Variants in DCLK2 observed in about 807,000 individuals in gnomAD.
The protein encoded by DCLK2 is serine/threonine-protein kinase DCLK2.
In DCLK2, 31 loss-of-function variants were observed where a neutral mutation model predicts 78.4. That is an observed-to-expected ratio of 0.40 (90% CI 0.30 to 0.53). The LOEUF (loss-of-function observed/expected upper bound fraction) is 0.53. DCLK2 is among the 20% of genes least tolerant of loss of function. DCLK2 has a pLI of 0.61. For missense variants in DCLK2, 872 were observed against 973.7 expected (o/e 0.90, Z 1.39); for synonymous variants, 407 against 374.9 (o/e 1.09, Z -0.99).
intron 2 of DCLK2, among the ~76,000 whole-genome samples, chr4:150,163,007 G>T (rs527592791): frequency 6.6e-6 from 1 of 152,226 alleles, no homozygotes; most frequent in South Asian, 2.1e-4. Context: ...CTGTGACTGC[G>T]CAACACATCT....
chr4:150,104,348 A>G (rs963153167), intron 2 of DCLK2, among the ~76,000 whole-genome samples: 2 of 136,392 alleles, frequency 1.5e-5, no homozygotes, highest in Non-Finnish European at 3.0e-5. Context: ...TGATTGTGCC[A>G]CTGCACTCCA....
chr4:150,153,982 T>C (rs894027444), intron 2 of DCLK2, among the ~76,000 whole-genome samples: 2 of 152,132 alleles, frequency 1.3e-5, no homozygotes, highest in African/African-American at 2.4e-5. Context: ...GAATGAACTT[T>C]CACAAAAGGG....
At chr4:150,111,264 T>G (rs1404327301) in intron 2 of DCLK2, among the ~76,000 whole-genome samples, 1 of 151,674 alleles carries the variant, frequency 6.6e-6, no homozygotes, top group Non-Finnish European at 1.5e-5. Flanking sequence ...TTTAATATTT[T>G]TGTTGGCCAT....
chr4:150,222,561 G>A (rs1209608107), intron 7 of DCLK2, among the ~76,000 whole-genome samples: 1 of 151,958 alleles, frequency 6.6e-6, no homozygotes, highest in East Asian at 1.9e-4. Flanking sequence ...TCACAATCAG[G>A]CCAGGCCTGG....
At position 150,248,336 on chromosome 4, in the gene DCLK2, T is replaced by G. The variant is rs780042885; in HGVS notation, c.1907T>G (p.Val636Gly). The G allele has an allele frequency of 6.2e-7, 1 of 1,613,862 alleles. No homozygotes were observed. Among genetic ancestry groups the G allele is most frequent in the African/African-American group, 1.3e-5 (1 of 74,936 alleles). ...ELISQMLQVN[V>G]EARCTAGQIL... is the part of the protein sequence containing the mutation. ...ATCAGTCAAATGCTTCAGGTAAATG[T>G]TGAAGCTCGGTGTACCGCGGGACAA... is the stretch of plus-strand genomic sequence containing the variant. Residue 636 changes from valine (V) to glycine (G), a missense_variant, in exon 14 of 16, where the codon GTT (valine) becomes GGT (glycine). This residue lies in a region of DCLK2 where 219 missense variants were observed against 230.1 expected (regional missense o/e 0.95). Coordinates refer to ENST00000296550, the MANE Select transcript of DCLK2 (RefSeq NM_001040260.4).
chr4:150,137,887 A>G (rs1419378127), intron 2 of DCLK2, among the ~76,000 whole-genome samples: 1 of 152,230 alleles, frequency 6.6e-6, no homozygotes, highest in Non-Finnish European at 1.5e-5. Context: ...TATATTGTCA[A>G]ATGAAGTTAT....
At chr4:150,198,633 C>T (rs1052518012) in intron 4 of DCLK2, among the ~76,000 whole-genome samples, 27 of 152,028 alleles carry the variant, frequency 1.8e-4, no homozygotes, top group African/African-American at 5.8e-4. Context: ...AGTCTTAAGC[C>T]TATAAATTTG....
rs1560856572 is a variant in DCLK2 at position 150,195,220 on chromosome 4, TTATATATTATATAAACA to T, written c.859+1981_859+1997del. ...ACAATATTATATATTATATACAATA[TTATATATTATATAAACA>T]ATATTATATATTATATATTATATTA... On this transcript the variant is annotated intron_variant, in intron 3 of 15. Transcript: ENST00000296550. Among the ~76,000 whole-genome samples the T allele has an allele frequency of 1.7e-3, 6 of 3,624 alleles. 1 individual carries two copies. The highest frequency in any genetic ancestry group is 6.6e-3 in the African/African-American group (5 of 756). The allele number at this position is 3,624 out of a possible 152,430, so 2.4% of individuals were successfully genotyped here. A position where few individuals can be genotyped will look rare whatever the true frequency, so the allele number is the denominator to read the frequency against.
At chr4:150,114,041 T>C (rs768166858) in intron 2 of DCLK2, among the ~76,000 whole-genome samples, 1 of 152,212 alleles carries the variant, frequency 6.6e-6, no homozygotes, top group Non-Finnish European at 1.5e-5. Context: ...TTTCTGTGTA[T>C]TTGTATAGTT....
intron 2 of DCLK2, among the ~76,000 whole-genome samples, chr4:150,142,381 A>G (rs1218117523): frequency 6.6e-6 from 1 of 152,238 alleles, no homozygotes; most frequent in East Asian, 1.9e-4. Context: ...GTAATGGTAC[A>G]TAATGGTTTC....
intron 10 of DCLK2, among the ~76,000 whole-genome samples, chr4:150,236,627 T>C (rs537690336): frequency 9.8e-5 from 15 of 152,332 alleles, no homozygotes; most frequent in African/African-American, 3.6e-4. Context: ...AGGCAACTGT[T>C]TTTAAAGCAA....
chr4:150,095,170 C>T (rs1044522188), intron 1 of DCLK2, among the ~76,000 whole-genome samples: 38 of 152,134 alleles, frequency 2.5e-4, no homozygotes, highest in Non-Finnish European at 5.9e-5. Context: ...ATGAAGTGAA[C>T]CTCTTTGTGA....
At chr4:150,216,783 C>T (rs187540128) in intron 5 of DCLK2, among the ~76,000 whole-genome samples, 1 of 152,294 alleles carries the variant, frequency 6.6e-6, no homozygotes, top group African/African-American at 2.4e-5. Context: ...AACATCTTCA[C>T]GGTTCTCTTC....
intron 12 of DCLK2, among the ~76,000 whole-genome samples, chr4:150,243,490 C>T (rs555421031): frequency 3.0e-4 from 46 of 152,250 alleles, no homozygotes; most frequent in Admixed American, 1.0e-3. Context: ...CTTTAAATTA[C>T]GGTAAATAAG....
Position 150,102,675 on chromosome 4 carries a change from A to G in DCLK2, c.619A>G (p.Lys207Glu). 1.2e-6 allele frequency: 2 copies of G among 1,614,072 alleles called. No homozygotes were observed. Among genetic ancestry groups the G allele is most frequent in the Non-Finnish European group, 1.7e-6 (2 of 1,179,988 alleles). Residue 207 changes from lysine to glutamate, a missense_variant, in exon 2 of 16, where the codon AAG (lysine) becomes GAG (glutamate). This residue lies in a region of DCLK2 where 567 missense variants were observed against 593.4 expected (regional missense o/e 0.96). Coordinates refer to ENST00000296550, the MANE Select transcript of DCLK2 (RefSeq NM_001040260.4). The part of the protein sequence containing the change: ...KLVTVIRSGV[K>E]PRKAVRILLN... ...AGTGACTGTGATTCGAAGTGGAGTGAAGCCTAGAAAAGCCGTGCGGATCCT... is the reference window on the plus strand; with the variant it reads ...AGTGACTGTGATTCGAAGTGGAGTGGAGCCTAGAAAAGCCGTGCGGATCCT...
rs191177688 is a variant in DCLK2, at chr4:150,151,171, C to T, written c.757-41967C>T. ...CAAAGGAATTGTTTGCTAGTCCTTT[C>T]TCATCCCTCCCACATCACATCCCAG... On this transcript the variant is annotated intron_variant, in intron 2 of 15. Transcript: ENST00000296550. Among the ~76,000 whole-genome samples, 26 of 152,348 alleles carry T rather than the reference C, an allele frequency of 1.7e-4. 1 individual carries two copies. The East Asian group carries it at 5.0e-3, about 29-fold the overall frequency.
intron 2 of DCLK2, among the ~76,000 whole-genome samples, chr4:150,148,381 C>CT (rs77831799): frequency 1.2e-3 from 163 of 136,908 alleles, no homozygotes; most frequent in Middle Eastern, 3.7e-3. Context: ...AAATTCATGT[C>CT]TTTTTTTTTT....
rs193136620 is a variant in DCLK2 at position 150,120,052 on chromosome 4, G to C, written c.756+17240G>C. 2.1e-3 allele frequency among the ~76,000 whole-genome samples: 314 copies of C among 152,254 alleles called. 1 individual carries two copies. The highest frequency in any genetic ancestry group is 3.3e-3 in the Non-Finnish European group (226 of 68,026). ...TGCCTGCTGATAGCAATTTGTACCA[G>C]TATGTGTCATATATAATATTACTTT... is the stretch of plus-strand genomic sequence containing the variant. On this transcript the variant is annotated intron_variant, in intron 2 of 15. Coordinates refer to ENST00000296550, the MANE Select transcript of DCLK2 (RefSeq NM_001040260.4).
intron 2 of DCLK2, among the ~76,000 whole-genome samples, chr4:150,191,635 T>C (rs966126542): frequency 6.6e-5 from 10 of 152,162 alleles, no homozygotes; most frequent in Admixed American, 5.9e-4. Context: ...CCCTGGACAC[T>C]GTAGCTAGAG....
Sources: allele counts gnomAD v4.1 joint callset (sites outside exome capture counted in the v4.1 genomes callset), GRCh38; gene constraint gnomAD v4.1.1; regional missense constraint gnomAD v4.1.1; transcripts MANE v1.5; gene names NCBI Gene and HGNC (gene_info 2026-07-23, HGNC 2026-07-21).